RBMS3: variants seen among roughly 807,000 people sequenced by gnomAD.
The protein encoded by RBMS3 is RNA-binding motif, single-stranded-interacting protein 3.
In RBMS3, 27 loss-of-function variants were observed where a neutral mutation model predicts 66.8. That is an observed-to-expected ratio of 0.40 (90% CI 0.30 to 0.56). The LOEUF is 0.56. Ranked by LOEUF, RBMS3 falls within the 20% of genes least tolerant of loss-of-function variation. The pLI is 0.40. For synonymous variants in RBMS3, 188 were observed against 183.0 expected (o/e 1.03, Z -0.22); for missense variants, 513 against 549.5 (o/e 0.93, Z 0.66).
At chr3:29,356,995 T>C (rs6549930) in intron 1 of RBMS3, among the ~76,000 whole-genome samples, 64,553 of 151,908 alleles carry the variant, frequency 0.42, 13,989 homozygotes, top group East Asian at 0.5. Flanking sequence ...CAAAAATGTT[T>C]AGTTTAGAAA....
chr3:29,362,854 T>C (rs756099272), intron 1 of RBMS3, among the ~76,000 whole-genome samples: 35 of 152,262 alleles, frequency 2.3e-4, no homozygotes, highest in Non-Finnish European at 4.4e-4. Flanking sequence ...TAAACTCCAT[T>C]GTATTCCTGT....
At chr3:29,819,363 AAT>A (rs1480038860) in intron 6 of RBMS3, among the ~76,000 whole-genome samples, 1 of 152,214 alleles carries the variant, frequency 6.6e-6, no homozygotes, top group African/African-American at 2.4e-5. Context: ...GGTGTAAATA[AAT>A]AGAGGTGGCT....
chr3:29,773,438 G>C (rs1165467411), intron 6 of RBMS3, among the ~76,000 whole-genome samples: 2 of 152,016 alleles, frequency 1.3e-5, no homozygotes, highest in Non-Finnish European at 2.9e-5. Context: ...CCTATAGCAA[G>C]ATTGGGAGGC....
chr3:29,365,276 T>G (rs1370337497), intron 1 of RBMS3, among the ~76,000 whole-genome samples: 2 of 151,840 alleles, frequency 1.3e-5, no homozygotes, highest in Admixed American at 6.6e-5. Context: ...AATTTAACAT[T>G]AAGCTGTGCC....
chr3:29,514,494 G>A (rs980119909), intron 3 of RBMS3, among the ~76,000 whole-genome samples: 3 of 151,710 alleles, frequency 2.0e-5, no homozygotes, highest in South Asian at 4.2e-4. Context: ...ACACATACGA[G>A]TTGCTCAATC....
At chr3:29,770,648 C>T (rs1427838431) in intron 6 of RBMS3, among the ~76,000 whole-genome samples, 1 of 151,954 alleles carries the variant, frequency 6.6e-6, no homozygotes, top group Admixed American at 6.6e-5. Context: ...GAAAATTTCA[C>T]ATAAAAACTT....
chr3:29,564,485 T>TAA (rs201649263), intron 3 of RBMS3, among the ~76,000 whole-genome samples: 7 of 130,694 alleles, frequency 5.4e-5, no homozygotes, highest in African/African-American at 1.4e-4. Flanking sequence ...AAAAGTTCAT[T>TAA]AAAAAAAAAA....
intron 1 of RBMS3, among the ~76,000 whole-genome samples, chr3:29,381,470 C>T (rs942119884): frequency 1.3e-5 from 2 of 152,076 alleles, no homozygotes; most frequent in African/African-American, 4.8e-5. Context: ...TGGATAGATC[C>T]CTGTACTGTT....
chr3:29,799,122 C>G (rs2057309734), intron 6 of RBMS3, among the ~76,000 whole-genome samples: 1 of 152,128 alleles, frequency 6.6e-6, no homozygotes, highest in African/African-American at 2.4e-5. Flanking sequence ...GTCAATGCCT[C>G]TCAGTCATCC....
At chr3:29,889,902 G>A (rs928874490) in intron 8 of RBMS3, among the ~76,000 whole-genome samples, 2 of 151,554 alleles carry the variant, frequency 1.3e-5, no homozygotes, top group Non-Finnish European at 3.0e-5. Flanking sequence ...CTGTCCCCAT[G>A]TAACATCTTA....
At chr3:29,526,583 A>G (rs1436813681) in intron 3 of RBMS3, among the ~76,000 whole-genome samples, 1 of 136,142 alleles carries the variant, frequency 7.3e-6, no homozygotes, top group African/African-American at 2.7e-5. Flanking sequence ...AGAAGCAGTG[A>G]TCTGGCCCAC....
chr3:29,489,782 C>G (rs1214942684), intron 3 of RBMS3, among the ~76,000 whole-genome samples: 4 of 149,400 alleles, frequency 2.7e-5, no homozygotes, highest in African/African-American at 9.8e-5. Context: ...CGGTGGCTCA[C>G]GCCTATAATC....
chr3:29,546,562 A>T (rs944983144), intron 3 of RBMS3, among the ~76,000 whole-genome samples: 1 of 152,222 alleles, frequency 6.6e-6, no homozygotes, highest in Non-Finnish European at 1.5e-5. Flanking sequence ...CCTTAAAATA[A>T]ACTTGAGACT....
chr3:29,442,103 A>T (rs1296590212), intron 2 of RBMS3, among the ~76,000 whole-genome samples: 1 of 152,210 alleles, frequency 6.6e-6, no homozygotes, highest in African/African-American at 2.4e-5. Flanking sequence ...CCAAAAGTCA[A>T]ACATTTATTC....
chr3:29,591,280 A>G (rs1434541859), intron 4 of RBMS3, among the ~76,000 whole-genome samples: 2 of 152,184 alleles, frequency 1.3e-5, no homozygotes, highest in Non-Finnish European at 2.9e-5. Context: ...TGACTCGGTT[A>G]TCTCCAACAG....
intron 2 of RBMS3, among the ~76,000 whole-genome samples, chr3:29,481,000 G>C (rs1378843288): frequency 6.6e-6 from 1 of 152,190 alleles, no homozygotes; most frequent in Non-Finnish European, 1.5e-5. Context: ...CCTGGACTCT[G>C]TAGCTGGTCT....
intron 3 of RBMS3, among the ~76,000 whole-genome samples, chr3:29,517,810 T>A (rs1425383367): frequency 6.6e-6 from 1 of 152,186 alleles, no homozygotes; most frequent in Non-Finnish European, 1.5e-5. Context: ...CAAAAACCTA[T>A]TGAAAGACAA....
chr3:29,391,145 G>A (rs2039276744), intron 1 of RBMS3: 1 of 186,846 alleles, frequency 5.4e-6, no homozygotes, highest in Admixed American at 5.0e-5. Flanking sequence ...AGTTGCAGTT[G>A]TGTAGTAGTT....
chr3:29,859,198 T>A (rs1272319173), intron 6 of RBMS3, among the ~76,000 whole-genome samples: 2 of 152,226 alleles, frequency 1.3e-5, no homozygotes. Context: ...ATTTGTTTAT[T>A]ATTTTAAAAC....
Sources: gnomAD v4.1 joint callset for allele counts (sites outside exome capture counted in the v4.1 genomes callset) on GRCh38, gnomAD v4.1.1 for gene constraint, MANE v1.5 for transcripts, NCBI Gene and HGNC (gene_info 2026-07-23, HGNC 2026-07-21) for gene names.